The following AKAP13 variants were observed in gnomAD, a reference collection of about 807,000 sequenced individuals.
AKAP13 encodes A-kinase anchor protein 13.
AKAP13 carries 80 observed loss-of-function variants against 264.5 expected under a neutral mutation model. The observed-to-expected ratio is 0.30, with a 90% confidence interval of 0.25 to 0.36. The LOEUF is 0.36. Ranked by LOEUF, AKAP13 falls within the 10% of genes least tolerant of loss-of-function variation. The pLI is 1.00. For missense variants in AKAP13, 3,712 were observed against 3,435.2 expected, an observed-to-expected ratio of 1.08 and a Z score of -2.01; for synonymous variants, 1,380 against 1,250.2, an observed-to-expected ratio of 1.10 and a Z score of -2.19.
At chr15:85,711,029 T>A (rs536242036) in intron 19 of AKAP13, among the ~76,000 whole-genome samples, 80 of 152,224 alleles carry the variant, frequency 5.3e-4, no homozygotes, top group East Asian at 1.2e-3. Flanking sequence ...TTTTATTATT[T>A]TTTTGAGACG....
chr15:85,483,178 G>A (rs1397065427), intron 1 of AKAP13, among the ~76,000 whole-genome samples: 1 of 152,136 alleles, frequency 6.6e-6, no homozygotes, highest in Non-Finnish European at 1.5e-5. Context: ...ATAGTCATCC[G>A]AAGTTTCTTG....
At chr15:85,661,036 A>G (rs1245901230) in intron 12 of AKAP13, among the ~76,000 whole-genome samples, 1 of 152,126 alleles carries the variant, frequency 6.6e-6, no homozygotes, top group African/African-American at 2.4e-5. Flanking sequence ...GAGTGGTTTT[A>G]TTGAGCCGAG....
chr15:85,571,250 A>G (rs1214145320), intron 5 of AKAP13, among the ~76,000 whole-genome samples: 1 of 143,176 alleles, frequency 7.0e-6, no homozygotes, highest in Non-Finnish European at 1.5e-5. Context: ...TGTGCGTTTT[A>G]CAGACTAGAC....
intron 6 of AKAP13, among the ~76,000 whole-genome samples, chr15:85,578,712 A>G (rs137982877): frequency 3.2e-4 from 48 of 152,280 alleles, no homozygotes; most frequent in African/African-American, 1.1e-3. Context: ...ATATATCCTA[A>G]TCTATTTTGA....
intron 8 of AKAP13, among the ~76,000 whole-genome samples, chr15:85,638,809 T>C (rs1171443588): frequency 6.6e-6 from 1 of 151,592 alleles, no homozygotes; most frequent in African/African-American, 2.4e-5. Context: ...CAGGCTGGAG[T>C]GCAGTGGCGC....
At chr15:85,406,401 T>TG (rs1300390553) in intron 1 of AKAP13, among the ~76,000 whole-genome samples, 1 of 151,162 alleles carries the variant, frequency 6.6e-6, no homozygotes, top group Non-Finnish European at 1.5e-5. Context: ...AAATAGTTTT[T>TG]TTTTTTGTTT....
At chr15:85,482,285 G>A (rs2075375261) in intron 1 of AKAP13, among the ~76,000 whole-genome samples, 1 of 152,068 alleles carries the variant, frequency 6.6e-6, no homozygotes, top group African/African-American at 2.4e-5. Context: ...ATGTTTTAAA[G>A]GGCATCTCCC....
intron 1 of AKAP13, among the ~76,000 whole-genome samples, chr15:85,475,449 GA>G (rs1477217768): frequency 6.6e-6 from 1 of 152,152 alleles, no homozygotes; most frequent in African/African-American, 2.4e-5. Context: ...ATTTTTGCAG[GA>G]AACCACAAGC....
chr15:85,552,568 A>T (rs907151068), intron 5 of AKAP13, among the ~76,000 whole-genome samples: 3 of 151,874 alleles, frequency 2.0e-5, no homozygotes, highest in East Asian at 3.9e-4. Context: ...TATTTTTCCT[A>T]ACACTTTTAA....
intron 3 of AKAP13, among the ~76,000 whole-genome samples, chr15:85,530,108 C>G (rs2077199600): frequency 2.6e-5 from 4 of 152,188 alleles, no homozygotes; most frequent in African/African-American, 9.7e-5. Flanking sequence ...CACCTGCTAA[C>G]AAACTCTGCT....
At chr15:85,418,052 TATTATTATTATTATC>T (rs2072324481) in intron 1 of AKAP13, among the ~76,000 whole-genome samples, 1 of 144,542 alleles carries the variant, frequency 6.9e-6, no homozygotes, top group East Asian at 1.9e-4. Context: ...CATTATTTAT[TATTATTATTATTATC>T]ATTATTATTA....
intron 1 of AKAP13, among the ~76,000 whole-genome samples, chr15:85,475,155 C>T (rs1305341601): frequency 6.6e-6 from 1 of 152,158 alleles, no homozygotes; most frequent in Non-Finnish European, 1.5e-5. Context: ...ATTTGGCAGT[C>T]TCTTTGCCGG....
At chr15:85,562,602 T>C in intron 5 of AKAP13, among the ~76,000 whole-genome samples, 1 of 139,954 alleles carries the variant, frequency 7.1e-6, no homozygotes, top group South Asian at 2.2e-4. Context: ...TATATATATA[T>C]ATATCTCTGT....
rs1041370015 is a variant in AKAP13 at position 85,735,028 on chromosome 15, G to C, written c.7319G>C (p.Gly2440Ala). ...CAGGGTTTGGTGAGTGGAAATCTGG[G>C]AGGCACACTTGGGCCGACTGTCAGC... is the stretch of plus-strand genomic sequence containing the variant. ...ILQGLVSGNL[G>A]GTLGPTVSSP... The change falls in exon 31 of 37, where the codon GGA (glycine) becomes GCA (alanine). Residue 2440 changes from glycine to alanine, a missense_variant. By Grantham distance (60) the Gly-to-Ala change is moderately conservative. Around this residue, in one of 3 missense-constraint regions of AKAP13, gnomAD observed 611 missense variants for 539.3 expected, o/e 1.13. Coordinates refer to ENST00000394518, the MANE Select transcript of AKAP13 (RefSeq NM_007200.5). The C allele has an allele frequency of 3.1e-6, 5 of 1,614,050 alleles. No homozygotes were observed. Among genetic ancestry groups the C allele is most frequent in the Non-Finnish European group, 4.2e-6 (5 of 1,180,016 alleles).
chr15:85,404,133 A>G (rs74024831), intron 1 of AKAP13, among the ~76,000 whole-genome samples: 14,660 of 152,264 alleles, frequency 0.096, 879 homozygotes, highest in East Asian at 0.31. Context: ...AGAAATCATT[A>G]GTGTAAAAGA....
intron 14 of AKAP13, among the ~76,000 whole-genome samples, chr15:85,673,666 CTTTTTTTTTTTT>C (rs386383664): frequency 2.6e-5 from 2 of 77,558 alleles, no homozygotes; most frequent in African/African-American, 1.1e-4. Context: ...TTCTTTCTTT[CTTTTTTTTTTTT>C]TTTTTTTTTT....
chr15:85,486,247 C>T (rs1192849902), intron 2 of AKAP13, among the ~76,000 whole-genome samples: 3 of 151,886 alleles, frequency 2.0e-5, no homozygotes, highest in African/African-American at 4.8e-5. Flanking sequence ...TCCTTTCAAG[C>T]ACAAAAATTT....
At chr15:85,619,852 T>C in intron 8 of AKAP13, 1 of 1,376,482 alleles carries the variant, frequency 7.3e-7, no homozygotes, top group East Asian at 2.7e-5. Flanking sequence ...CATTCATCTT[T>C]CCAGCACTCT....
chr15:85,483,637 A>AAACAAAC (rs1555434065), intron 1 of AKAP13, among the ~76,000 whole-genome samples: 16 of 133,014 alleles, frequency 1.2e-4, no homozygotes, highest in Middle Eastern at 4.1e-3. Context: ...CGTCTCAAAA[A>AAACAAAC]AAAAAAAAAA....
Sources: gnomAD v4.1 joint callset for allele counts (sites outside exome capture counted in the v4.1 genomes callset) on GRCh38, gnomAD v4.1.1 for gene constraint, gnomAD v4.1.1 regional missense constraint, MANE v1.5 for transcripts, NCBI Gene and HGNC (gene_info 2026-07-23, HGNC 2026-07-21) for gene names.